CADPS: variants seen among roughly 807,000 people sequenced by gnomAD.
CADPS encodes the protein calcium-dependent secretion activator 1.
A neutral mutation model predicts 167.3 loss-of-function variants in CADPS; 57 were observed. That is an observed-to-expected ratio of 0.34 (90% confidence interval 0.28 to 0.42). CADPS has a LOEUF of 0.42. CADPS is among the 20% of genes least tolerant of loss of function. CADPS has a pLI of 1.00. For synonymous variants in CADPS, 676 were observed against 635.3 expected, an observed-to-expected ratio of 1.06 and a Z score of -0.96; for missense variants, 1,414 against 1,738.1, an observed-to-expected ratio of 0.81 and a Z score of 3.32.
At chr3:62,532,589 A>T (rs576600737) in intron 13 of CADPS, among the ~76,000 whole-genome samples, 1 of 152,264 alleles carries the variant, frequency 6.6e-6, no homozygotes, top group South Asian at 2.1e-4. Context: ...ATTACCAACC[A>T]GGGTTATTGC....
intron 2 of CADPS, 125 bp downstream of exon 2, chr3:62,765,746 C>A (rs1256185067): frequency 5.3e-6 from 3 of 563,032 alleles, no homozygotes; most frequent in Admixed American, 3.1e-5. Flanking sequence ...AATCACCAAC[C>A]CATTTGCCTT....
chr3:62,772,453 C>T (rs953547031), intron 1 of CADPS, among the ~76,000 whole-genome samples: 5 of 152,146 alleles, frequency 3.3e-5, no homozygotes, highest in African/African-American at 1.2e-4. Context: ...CCTGCTGCCC[C>T]TTCTTCTGCT....
chr3:62,524,418 C>T (rs979397461), intron 13 of CADPS, among the ~76,000 whole-genome samples: 9 of 152,160 alleles, frequency 5.9e-5, no homozygotes, highest in African/African-American at 1.9e-4. Context: ...TGCCCTGGGG[C>T]TCAGACACGC....
intron 1 of CADPS, among the ~76,000 whole-genome samples, chr3:62,836,439 T>A (rs1251614809): frequency 1.3e-5 from 2 of 152,004 alleles, no homozygotes; most frequent in Non-Finnish European, 1.5e-5. Context: ...ACGCACTAGA[T>A]GCAAAAGGAC....
At chr3:62,778,201 T>C (rs933387357) in intron 1 of CADPS, among the ~76,000 whole-genome samples, 1 of 152,184 alleles carries the variant, frequency 6.6e-6, no homozygotes, top group Non-Finnish European at 1.5e-5. Context: ...ATTTCACGTA[T>C]TGGTAAACAC....
At chr3:62,720,070 T>TA (rs1324055816) in intron 3 of CADPS, among the ~76,000 whole-genome samples, 1 of 152,090 alleles carries the variant, frequency 6.6e-6, no homozygotes, top group Non-Finnish European at 1.5e-5. Flanking sequence ...AACAAAGAAA[T>TA]AAACACTTCT....
At chr3:62,841,634 G>A (rs1430122336) in intron 1 of CADPS, among the ~76,000 whole-genome samples, 1 of 152,128 alleles carries the variant, frequency 6.6e-6, no homozygotes, top group African/African-American at 2.4e-5. Context: ...GGAAGAGGTC[G>A]AGGCTGCAGC....
At chr3:62,751,651 C>T (rs1017243497) in intron 3 of CADPS, among the ~76,000 whole-genome samples, 1 of 152,100 alleles carries the variant, frequency 6.6e-6, no homozygotes, top group Admixed American at 6.6e-5. Flanking sequence ...GAACTCCTGA[C>T]CTCAGGTAAT....
At chr3:62,488,399 T>C (rs2063157995) in intron 21 of CADPS, among the ~76,000 whole-genome samples, 2 of 152,220 alleles carry the variant, frequency 1.3e-5, no homozygotes, top group South Asian at 4.1e-4. Context: ...CCCCGTGGCA[T>C]CCACACTCTG....
chr3:62,560,504 C>A (rs2152367130), intron 9 of CADPS, among the ~76,000 whole-genome samples: 1 of 152,316 alleles, frequency 6.6e-6, no homozygotes, highest in South Asian at 2.1e-4. Context: ...TGGCCTACAA[C>A]AGAAAGCATA....
intron 28 of CADPS, among the ~76,000 whole-genome samples, chr3:62,425,138 G>A (rs2052356792): frequency 6.6e-6 from 1 of 152,164 alleles, no homozygotes; most frequent in Non-Finnish European, 1.5e-5. Flanking sequence ...AAGTTATGAA[G>A]TCTTGTAAGA....
At chr3:62,653,055 C>G (rs193299185) in intron 4 of CADPS, among the ~76,000 whole-genome samples, 2 of 152,150 alleles carry the variant, frequency 1.3e-5, no homozygotes, top group Non-Finnish European at 2.9e-5. Context: ...TAACTAACAG[C>G]CTTGTTTTCA....
intron 1 of CADPS, among the ~76,000 whole-genome samples, chr3:62,795,623 T>C (rs1559659331): frequency 6.6e-6 from 1 of 152,050 alleles, no homozygotes; most frequent in Admixed American, 6.6e-5. Context: ...ACTCAATAAA[T>C]ATTCATTGAG....
At chr3:62,861,261 C>T (rs2080750150) in intron 1 of CADPS, among the ~76,000 whole-genome samples, 1 of 152,120 alleles carries the variant, frequency 6.6e-6, no homozygotes, top group African/African-American at 2.4e-5. Flanking sequence ...AGAGTTTTTG[C>T]ACCTGCAGGG....
At chr3:62,654,895 G>C (rs1213667100) in intron 4 of CADPS, among the ~76,000 whole-genome samples, 1 of 152,164 alleles carries the variant, frequency 6.6e-6, no homozygotes, top group Non-Finnish European at 1.5e-5. Context: ...AATTTTGAGA[G>C]ACTGTCTTGT....
At chr3:62,834,982 A>G (rs1438724843) in intron 1 of CADPS, among the ~76,000 whole-genome samples, 2 of 152,156 alleles carry the variant, frequency 1.3e-5, no homozygotes, top group African/African-American at 2.4e-5. Context: ...TCCATTTTCC[A>G]TGGGTTTGGA....
At chr3:62,853,837 T>A (rs775600325) in intron 1 of CADPS, among the ~76,000 whole-genome samples, 1 of 151,958 alleles carries the variant, frequency 6.6e-6, no homozygotes, top group African/African-American at 2.4e-5. Flanking sequence ...GTGCCTGTAT[T>A]CCCAGTTACT....
chr3:62,744,784 A>G (rs2081097908), intron 3 of CADPS, among the ~76,000 whole-genome samples: 1 of 152,356 alleles, frequency 6.6e-6, no homozygotes, highest in East Asian at 1.9e-4. Context: ...TGAAATGTCT[A>G]TAGCAGTTTT....
chr3:62,489,374 A>G (rs1013390339), intron 21 of CADPS, among the ~76,000 whole-genome samples: 12 of 152,094 alleles, frequency 7.9e-5, no homozygotes, highest in Non-Finnish European at 1.3e-4. Context: ...GTTAGCCAGG[A>G]TGTTCTCGAT....
Sources: gnomAD v4.1 joint callset for allele counts (sites outside exome capture counted in the v4.1 genomes callset) on GRCh38, gnomAD v4.1.1 for gene constraint, MANE v1.5 for transcripts, NCBI Gene and HGNC (gene_info 2026-07-23, HGNC 2026-07-21) for gene names.